Variants in FAM120B observed in about 807,000 individuals in gnomAD.
FAM120B encodes constitutive coactivator of peroxisome proliferator-activated receptor gamma.
Under a neutral mutation model 96.3 loss-of-function variants are expected in FAM120B, and 83 were observed. The observed-to-expected ratio is 0.86, with a 90% confidence interval of 0.72 to 1.03. The LOEUF (loss-of-function observed/expected upper bound fraction) is 1.03. Among genes scored for constraint, FAM120B ranks in the 50% least tolerant of loss-of-function variants. FAM120B has a pLI of 0.00. For missense variants in FAM120B, 1,027 were observed against 1,121.2 expected, an observed-to-expected ratio of 0.92 and a Z score of 1.20; for synonymous variants, 407 against 402.7, an observed-to-expected ratio of 1.01 and a Z score of -0.13.
chr6:170,355,310 TC>T (rs1449764623), intron 5 of FAM120B, among the ~76,000 whole-genome samples: 3 of 152,110 alleles, frequency 2.0e-5, no homozygotes, highest in Non-Finnish European at 4.4e-5. Flanking sequence ...AGACATTGAA[TC>T]AACCTAAATG....
At chr6:170,354,308 T>C (rs548260853) in intron 5 of FAM120B, among the ~76,000 whole-genome samples, 5 of 152,058 alleles carry the variant, frequency 3.3e-5, no homozygotes, top group African/African-American at 9.6e-5. Context: ...AACCCAAAAA[T>C]ATAAAAACCC....
At chr6:170,401,613 G>A (rs1778588582) in intron 9 of FAM120B, among the ~76,000 whole-genome samples, 1 of 152,152 alleles carries the variant, frequency 6.6e-6, no homozygotes, top group African/African-American at 2.4e-5. Flanking sequence ...ACTTCTTTCT[G>A]CCTGTAATAG....
chr6:170,331,179 G>A (rs187908010), intron 4 of FAM120B, among the ~76,000 whole-genome samples: 2 of 152,274 alleles, frequency 1.3e-5, no homozygotes, highest in Admixed American at 1.3e-4. Context: ...AAACAGGTCA[G>A]GAATGTACAA....
In FAM120B at chr6:170,346,077, T is replaced by A. The variant is rs527823555; in HGVS notation, c.2018-2074T>A. On this transcript the variant is annotated intron_variant, in intron 4 of 10. Coordinates refer to ENST00000476287, the MANE Select transcript of FAM120B (RefSeq NM_032448.3). ...ACATAGAAAAGGTAGAGTAAAAATA[T>A]GGTATTGTGATCTTACGGGACCACC... 1.9e-4 allele frequency among the ~76,000 whole-genome samples: 29 copies of A among 152,326 alleles called. 1 individual carries two copies. The South Asian group carries it at 6.0e-3, about 32-fold the overall frequency.
Position 170,318,273 on chromosome 6 carries a change from G to C in FAM120B, c.883G>C (p.Ala295Pro), listed in dbSNP as rs373476229. Residue 295 changes from alanine (A) to proline (P), a missense_variant, in exon 2 of 11, where the codon GCT (alanine) becomes CCT (proline). Physicochemically the swap from Ala to Pro is conservative, Grantham distance 27. Coordinates refer to ENST00000476287, the MANE Select transcript of FAM120B (RefSeq NM_032448.3). Reference sequence around the variant, plus strand: ...GATATTACCTCTGGGACCAAACAAAGCTCTTTTTTATAAAGGAATGGCATC... The same window carrying C: ...GATATTACCTCTGGGACCAAACAAACCTCTTTTTTATAAAGGAATGGCATC... Reference protein sequence around the residue: ...EEILPLGPNKALFYKGMASYL... With the variant: ...EEILPLGPNKPLFYKGMASYL... The C allele has an allele frequency of 6.2e-7, 1 of 1,614,036 alleles. No homozygotes were observed. The highest frequency in any genetic ancestry group is 8.5e-7 in the Non-Finnish European group (1 of 1,180,006).
rs529139584 is a variant in FAM120B, at chr6:170,406,816, G to A, written c.*2065G>A. ...ATTCCTCATCCCTTAGACTAAGAGA[G>A]TGGGTGTCTGTGAAAATTGTTTTCT... On this transcript the variant is annotated 3_prime_UTR_variant, in exon 11 of 11. Transcript: ENST00000476287. 9 of 152,306 alleles carry A rather than the reference G, an allele frequency of 5.9e-5. 1 individual carries two copies. The South Asian group carries it at 1.9e-3, about 32-fold the overall frequency. 9.4% of individuals were successfully genotyped at this position (152,306 alleles called of 1,614,324 possible).
rs372574876 is a variant in FAM120B at position 170,317,527 on chromosome 6, T to C, written c.137T>C (p.Met46Thr). ...GCTPTIVVDA[M>T]CCLRYWYTPE... ...ACCCCTACCATTGTGGTTGATGCCATGTGTTGTCTCAGATATTGGTATACT... is the reference window on the plus strand; with the variant it reads ...ACCCCTACCATTGTGGTTGATGCCACGTGTTGTCTCAGATATTGGTATACT... Residue 46 changes from methionine to threonine, a missense_variant, in exon 2 of 11, where the codon ATG becomes ACG. Met to Thr is a moderately conservative substitution (Grantham distance 81, BLOSUM62 -1). Coordinates refer to ENST00000476287, the MANE Select transcript of FAM120B (RefSeq NM_032448.3). 1.3e-5 allele frequency: 21 copies of C among 1,614,090 alleles called. No homozygotes were observed. In the African/African-American group the frequency reaches 2.3e-4, roughly 17 times the overall value.
chr6:170,301,646 T>C (rs991611859), intron 1 of FAM120B, among the ~76,000 whole-genome samples: 1 of 152,182 alleles, frequency 6.6e-6, no homozygotes, highest in Non-Finnish European at 1.5e-5. Context: ...AGAAATTTCT[T>C]CCACCAGATA....
chr6:170,389,726 AT>A (rs1290387539), intron 7 of FAM120B, among the ~76,000 whole-genome samples: 4 of 151,804 alleles, frequency 2.6e-5, no homozygotes, highest in Non-Finnish European at 5.9e-5. Flanking sequence ...TGCCCAGCTA[AT>A]TTTTGTATTT....
At chr6:170,293,350 G>A (rs17860703), upstream of FAM120B, among the ~76,000 whole-genome samples, 360 of 152,252 alleles carry the variant, frequency 2.4e-3, no homozygotes, top group Non-Finnish European at 3.7e-3. Flanking sequence ...GTGGAAAACA[G>A]GCTCATTTGA....
chr6:170,309,517 G>C, intron 1 of FAM120B, among the ~76,000 whole-genome samples: 1 of 152,184 alleles, frequency 6.6e-6, no homozygotes, highest in South Asian at 2.1e-4. Flanking sequence ...TCTTATTATA[G>C]AACATTTAAT....
chr6:170,361,198 G>GTGTA lies in FAM120B; in HGVS notation c.2283+2881_2283+2882insGTAT, dbSNP rs1426112399. On this transcript the variant is annotated intron_variant, in intron 6 of 10. Coordinates refer to ENST00000476287, the MANE Select transcript of FAM120B (RefSeq NM_032448.3). The stretch of plus-strand genomic sequence containing the variant: ...GCCTTAAAACTATATATATATACGT[G>GTGTA]TATATATATATATATATATATATAT... Among the ~76,000 whole-genome samples, 272 of 66,022 alleles carry GTGTA rather than the reference G, an allele frequency of 4.1e-3. 7 individuals are homozygous for GTGTA. The highest frequency in any genetic ancestry group is 5.0e-3 in the Non-Finnish European group (178 of 35,814). 43.3% of individuals were successfully genotyped at this position (66,022 alleles called of 152,430 possible).
Position 170,358,225 on chromosome 6 carries a change from G to A in FAM120B, c.2191-1G>A. The A allele has an allele frequency of 1.3e-6, 2 of 1,593,782 alleles. No homozygotes were observed. Among genetic ancestry groups the A allele is most frequent in the Non-Finnish European group, 1.7e-6 (2 of 1,165,016 alleles). ...CACTGGCCTTTCTCTGTCCTTTTCA[G>A]GTGGACACGCTTTGCCTGGAGGATT... is the stretch of plus-strand genomic sequence containing the variant. On this transcript the variant is annotated splice_acceptor_variant, in intron 5 of 10. Coordinates refer to ENST00000476287, the MANE Select transcript of FAM120B (RefSeq NM_032448.3). LOFTEE classifies it high-confidence loss of function.
At chr6:170,382,263 A>C (rs1789951553) in intron 6 of FAM120B, among the ~76,000 whole-genome samples, 1 of 152,138 alleles carries the variant, frequency 6.6e-6, no homozygotes, top group Non-Finnish European at 1.5e-5. Flanking sequence ...CTCTACAAAA[A>C]ATTGAAAAAT....
At chr6:170,312,368 T>C (rs1784642974) in intron 1 of FAM120B, among the ~76,000 whole-genome samples, 1 of 152,222 alleles carries the variant, frequency 6.6e-6, no homozygotes, top group African/African-American at 2.4e-5. Context: ...AAATTTGTGA[T>C]AATTTAAGAA....
chr6:170,392,101 G>C (rs1790510233), intron 8 of FAM120B, among the ~76,000 whole-genome samples: 2 of 152,304 alleles, frequency 1.3e-5, no homozygotes, highest in South Asian at 4.1e-4. Flanking sequence ...ATCATAGATT[G>C]AAATATAATC....
intron 5 of FAM120B, among the ~76,000 whole-genome samples, chr6:170,349,610 C>T (rs1326099696): frequency 6.6e-6 from 1 of 152,146 alleles, no homozygotes; most frequent in East Asian, 1.9e-4. Flanking sequence ...TTTGCATTAC[C>T]ATTTTGAGTA....
At chr6:170,384,846 TGAA>T (rs1402213789) in intron 6 of FAM120B, among the ~76,000 whole-genome samples, 1 of 152,218 alleles carries the variant, frequency 6.6e-6, no homozygotes, top group Non-Finnish European at 1.5e-5. Context: ...AGGGGGCCAG[TGAA>T]GCCTAAACTC....
intron 3 of FAM120B, among the ~76,000 whole-genome samples, chr6:170,329,398 A>G (rs1266254265): frequency 6.6e-6 from 1 of 152,078 alleles, no homozygotes; most frequent in Non-Finnish European, 1.5e-5. Context: ...TGCTAGAACC[A>G]TTTCTTCAGT....
Sources: gnomAD v4.1 joint callset for allele counts (sites outside exome capture counted in the v4.1 genomes callset) on GRCh38, gnomAD v4.1.1 for gene constraint, MANE v1.5 for transcripts, NCBI Gene and HGNC (gene_info 2026-07-23, HGNC 2026-07-21) for gene names.